The following ANKS1B variants were observed in gnomAD, a reference collection of about 807,000 sequenced individuals.
ANKS1B encodes the protein ankyrin repeat and sterile alpha motif domain containing 1B.
ANKS1B carries 36 observed loss-of-function variants against 148.3 expected under a neutral mutation model. The ratio of observed to expected loss-of-function variants is 0.24; its 90% CI spans 0.19 to 0.32. The LOEUF (loss-of-function observed/expected upper bound fraction) is 0.32, where lower values mean the gene tolerates loss of function less well. Among genes scored for constraint, ANKS1B ranks in the 10% least tolerant of loss-of-function variants. The probability of loss-of-function intolerance (pLI) is 1.00; values close to 1 mark genes in which losing one functional copy is unlikely to be tolerated. For synonymous variants in ANKS1B, 542 were observed against 560.8 expected, an observed-to-expected ratio of 0.97 and a Z score of 0.47; for missense variants, 1,157 against 1,542.6, an observed-to-expected ratio of 0.75 and a Z score of 4.19.
intron 11 of ANKS1B, among the ~76,000 whole-genome samples, chr12:99,435,239 T>A (rs980740282): frequency 2.0e-5 from 3 of 152,056 alleles, no homozygotes; most frequent in Non-Finnish European, 4.4e-5. Flanking sequence ...ACTGTGCCAT[T>A]TATCCTCACT....
At chr12:99,468,425 C>A (rs1284765151) in intron 10 of ANKS1B, among the ~76,000 whole-genome samples, 1 of 152,076 alleles carries the variant, frequency 6.6e-6, no homozygotes, top group African/African-American at 2.4e-5. Context: ...CAACGAAAGC[C>A]AAAATTGACA....
chr12:99,938,761 C>A (rs922496424), intron 1 of ANKS1B, among the ~76,000 whole-genome samples: 2 of 152,104 alleles, frequency 1.3e-5, no homozygotes, highest in Non-Finnish European at 2.9e-5. Context: ...AGATCAAAAA[C>A]TAAAGATCAG....
chr12:99,134,349 G>A (rs904033966), intron 15 of ANKS1B, among the ~76,000 whole-genome samples: 20 of 152,112 alleles, frequency 1.3e-4, no homozygotes, highest in African/African-American at 4.6e-4. Context: ...GTCAGAAAGA[G>A]CGTGGAAAGA....
chr12:99,163,234 T>A (rs1316660294), intron 14 of ANKS1B, among the ~76,000 whole-genome samples: 1 of 152,212 alleles, frequency 6.6e-6, no homozygotes, highest in East Asian at 1.9e-4. Context: ...CTCTAGGATA[T>A]CTTTGCCTGA....
At chr12:99,912,585 T>C (rs2094039554) in intron 1 of ANKS1B, among the ~76,000 whole-genome samples, 1 of 152,034 alleles carries the variant, frequency 6.6e-6, no homozygotes, top group African/African-American at 2.4e-5. Context: ...CTCCCGGCCT[T>C]AAGCAATCTG....
At chr12:99,439,696 T>C (rs1237513804) in intron 11 of ANKS1B, among the ~76,000 whole-genome samples, 1 of 151,678 alleles carries the variant, frequency 6.6e-6, no homozygotes, top group Non-Finnish European at 1.5e-5. Context: ...TTGCTACTGG[T>C]GACTATAAAA....
At chr12:99,917,554 T>C (rs907508498) in intron 1 of ANKS1B, among the ~76,000 whole-genome samples, 3 of 152,168 alleles carry the variant, frequency 2.0e-5, no homozygotes, top group East Asian at 3.8e-4. Context: ...TTGTGGCAGG[T>C]TGATTACATC....
At chr12:99,610,333 CCTCTCTGTGTAGCATT>C (rs1018028833) in intron 9 of ANKS1B, among the ~76,000 whole-genome samples, 1 of 152,012 alleles carries the variant, frequency 6.6e-6, no homozygotes, top group Non-Finnish European at 1.5e-5. Flanking sequence ...TTCTTCCTGA[CCTCTCTGTGTAGCATT>C]CTTTCCTCAT....
chr12:98,903,506 G>T (rs2099774958), intron 17 of ANKS1B, among the ~76,000 whole-genome samples: 1 of 152,192 alleles, frequency 6.6e-6, no homozygotes, highest in Admixed American at 6.5e-5. Flanking sequence ...CAGGTGTAAT[G>T]CCTGGAGCTG....
chr12:99,076,260 T>C (rs1475993199), intron 16 of ANKS1B, among the ~76,000 whole-genome samples: 2 of 151,942 alleles, frequency 1.3e-5, no homozygotes, highest in African/African-American at 4.8e-5. Flanking sequence ...CATATGAAGG[T>C]GATAGCAGAA....
At chr12:99,310,626 A>C (rs1237706822) in intron 12 of ANKS1B, among the ~76,000 whole-genome samples, 2 of 152,112 alleles carry the variant, frequency 1.3e-5, no homozygotes, top group Admixed American at 6.6e-5. Flanking sequence ...GAACTACATC[A>C]CTGGCTCTCA....
chr12:99,941,431 T>C (rs2153816215), intron 1 of ANKS1B, among the ~76,000 whole-genome samples: 1 of 150,882 alleles, frequency 6.6e-6, no homozygotes, highest in Middle Eastern at 3.4e-3. Flanking sequence ...AACAAGGACC[T>C]GAAGTAGAAT....
chr12:98,951,967 A>G (rs1457474783), intron 17 of ANKS1B, among the ~76,000 whole-genome samples: 2 of 152,242 alleles, frequency 1.3e-5, no homozygotes, highest in African/African-American at 4.8e-5. Flanking sequence ...CCTAGCATAC[A>G]AAAAGCCCTC....
chr12:99,837,162 GAT>G (rs1438078683), intron 1 of ANKS1B, among the ~76,000 whole-genome samples: 9 of 152,146 alleles, frequency 5.9e-5, no homozygotes, highest in South Asian at 2.1e-4. Flanking sequence ...TGGCTCTAAA[GAT>G]GGAAGAGGGT....
At chr12:99,471,713 T>C (rs1220908840) in intron 10 of ANKS1B, among the ~76,000 whole-genome samples, 1 of 152,018 alleles carries the variant, frequency 6.6e-6, no homozygotes, top group Non-Finnish European at 1.5e-5. Flanking sequence ...TACTCTTTGG[T>C]CTGCTACTCA....
chr12:98,936,119 A>G (rs773213381), intron 17 of ANKS1B, among the ~76,000 whole-genome samples: 22 of 152,232 alleles, frequency 1.4e-4, no homozygotes, highest in Non-Finnish European at 1.5e-5. Context: ...TTGTTTAGGA[A>G]AGGGAGAGTA....
rs2071147738 is a variant in ANKS1B, at chr12:99,142,278, G to A, written c.2526+12011C>T. 2.6e-5 allele frequency among the ~76,000 whole-genome samples: 4 copies of A among 152,192 alleles called. 1 individual carries two copies. The highest frequency in any genetic ancestry group is 2.6e-4 in the Admixed American group (4 of 15,276). On this transcript the variant is annotated intron_variant, in intron 15 of 26. Transcript: ENST00000683438. ...AGAAAGATCGGGTAAACAGGGACTA[G>A]TAAAAGTATATTGTCTTTGGCAATT...
chr12:99,595,808 T>G (rs2097753891), intron 9 of ANKS1B, among the ~76,000 whole-genome samples: 1 of 151,968 alleles, frequency 6.6e-6, no homozygotes, highest in African/African-American at 2.4e-5. Context: ...TTTATTGTAC[T>G]AAAATATGCA....
intron 17 of ANKS1B, among the ~76,000 whole-genome samples, chr12:99,000,817 T>G (rs2099932568): frequency 6.6e-6 from 1 of 152,212 alleles, no homozygotes. Flanking sequence ...TGAAATGGAC[T>G]ATTCTAGATA....
Sources: allele counts gnomAD v4.1 joint callset (sites outside exome capture counted in the v4.1 genomes callset), GRCh38; gene constraint gnomAD v4.1.1; transcripts MANE v1.5; gene names NCBI Gene and HGNC (gene_info 2026-07-23, HGNC 2026-07-21).